Variants in NUP62CL observed in about 807,000 individuals in gnomAD.
NUP62CL encodes the protein nucleoporin-62 C-terminal-like protein.
NUP62CL carries 13 observed loss-of-function variants against 15.3 expected under a neutral mutation model. The observed-to-expected ratio is 0.85, with a 90% CI of 0.55 to 1.35. The LOEUF (loss-of-function observed/expected upper bound fraction) is 1.35. NUP62CL is among the 40% of genes most tolerant of loss of function. The pLI is 0.00. For synonymous variants in NUP62CL, 54 were observed against 49.2 expected, an observed-to-expected ratio of 1.10 and a Z score of -0.41; for missense variants, 123 against 130.6, an observed-to-expected ratio of 0.94 and a Z score of 0.28.
intron 4 of NUP62CL, among the ~76,000 whole-genome samples, chrX:107,161,783 A>T (rs1285581): frequency 0.05 from 5,081 of 101,856 alleles, 375 homozygotes; most frequent in African/African-American, 0.17. Flanking sequence ...AATTTAAAAA[A>T]AATAATAATA....
Position 107,124,096 on chromosome X carries a change from C to A in NUP62CL, c.*279G>T. 1 of 238,562 alleles carries A rather than the reference C, an allele frequency of 4.2e-6. No individual in the cohort carries two copies. The highest frequency in any genetic ancestry group is 7.8e-6 in the Non-Finnish European group (1 of 128,981). 19.7% of individuals were successfully genotyped at this position (238,562 alleles called of 1,213,427 possible). Reference sequence around the variant, plus strand: ...CTAAAAACAAAACTAAGGTATAATTCTCAACAGTACAATACTTAAATGAAA... The same window carrying A: ...CTAAAAACAAAACTAAGGTATAATTATCAACAGTACAATACTTAAATGAAA... On this transcript the variant is annotated 3_prime_UTR_variant, in exon 9 of 9. Coordinates refer to ENST00000372466, the MANE Select transcript of NUP62CL (RefSeq NM_017681.3).
At chrX:107,193,801 T>G (rs985090431) in intron 1 of NUP62CL, among the ~76,000 whole-genome samples, 1 of 110,926 alleles carries the variant, frequency 9.0e-6, no homozygotes. Context: ...AAATTAGAGA[T>G]AAAAGCACAA....
chrX:107,168,167 T>C (rs1276964227), intron 3 of NUP62CL, among the ~76,000 whole-genome samples: 1 of 112,042 alleles, frequency 8.9e-6, no homozygotes, highest in East Asian at 2.8e-4. Flanking sequence ...TGTACATCTA[T>C]ATCTTTGCAT....
chrX:107,169,050 C>T (rs1367679995), intron 3 of NUP62CL, among the ~76,000 whole-genome samples: 1 of 112,244 alleles, frequency 8.9e-6, no homozygotes, highest in Non-Finnish European at 1.9e-5. Context: ...GGGTCTGGCA[C>T]AAAAAGCTCT....
chrX:107,131,629 C>T (rs913320834), intron 8 of NUP62CL: 7 of 516,526 alleles, frequency 1.4e-5, no homozygotes, highest in South Asian at 2.6e-5. Context: ...CGAGGCGCCG[C>T]GGGACCAAGG....
At chrX:107,150,856 C>T (rs750598758) in intron 7 of NUP62CL, 10 of 339,906 alleles carry the variant, frequency 2.9e-5, no homozygotes, top group African/African-American at 2.4e-4. Flanking sequence ...GTAAACACAC[C>T]GGATCAGTAG....
At chrX:107,161,786 T>A (rs192994332) in intron 4 of NUP62CL, among the ~76,000 whole-genome samples, 3,865 of 95,845 alleles carry the variant, frequency 0.04, 238 homozygotes, top group African/African-American at 0.14. Context: ...TTAAAAAAAA[T>A]AATAATAATA....
chrX:107,129,683 C>A (rs1925467712), intron 8 of NUP62CL, among the ~76,000 whole-genome samples: 1 of 111,466 alleles, frequency 9.0e-6, no homozygotes. Context: ...GTTAACAAGC[C>A]CCACCTACAA....
chrX:107,150,860 T>G (rs1486229846), intron 7 of NUP62CL: 2 of 341,992 alleles, frequency 5.8e-6, no homozygotes, highest in Non-Finnish European at 5.9e-6. Flanking sequence ...ACACACCGGA[T>G]CAGTAGTGTC....
chrX:107,170,413 C>CTTTT (rs35571930), intron 3 of NUP62CL, among the ~76,000 whole-genome samples: 2 of 94,641 alleles, frequency 2.1e-5, no homozygotes, highest in Non-Finnish European at 4.2e-5. Context: ...ATTATTTTAA[C>CTTTT]TTTTTTTTTT....
chrX:107,188,080 C>G (rs1291046138), intron 2 of NUP62CL, among the ~76,000 whole-genome samples: 1 of 111,487 alleles, frequency 9.0e-6, no homozygotes, highest in Non-Finnish European at 1.9e-5. Context: ...TTTTATGAAG[C>G]TAGTATTACT....
chrX:107,167,487 G>T (rs1281408324), intron 4 of NUP62CL, among the ~76,000 whole-genome samples, 162 bp downstream of exon 4: 1 of 112,141 alleles, frequency 8.9e-6, no homozygotes, highest in Non-Finnish European at 1.9e-5. Flanking sequence ...GTGTGCTGCT[G>T]TTTATTCAAC....
At chrX:107,134,265 C>T (rs1348651839) in intron 8 of NUP62CL, among the ~76,000 whole-genome samples, 1 of 111,764 alleles carries the variant, frequency 8.9e-6, no homozygotes, top group African/African-American at 3.3e-5. Flanking sequence ...ATTATTCACA[C>T]CCTTTGATAC....
chrX:107,131,746 T>C, intron 8 of NUP62CL: 1 of 902,941 alleles, frequency 1.1e-6, no homozygotes, highest in Non-Finnish European at 1.6e-6. Flanking sequence ...TTCTCTCAAA[T>C]GTGAAAATAA....
At chrX:107,188,422 T>G (rs893753063) in intron 2 of NUP62CL, among the ~76,000 whole-genome samples, 1 of 104,077 alleles carries the variant, frequency 9.6e-6, no homozygotes, top group Non-Finnish European at 2.0e-5. Flanking sequence ...TGGTAAAAAC[T>G]CCCCCCCACC....
chrX:107,184,234 CAACA>C (rs910546241), intron 2 of NUP62CL, among the ~76,000 whole-genome samples: 11 of 106,938 alleles, frequency 1.0e-4, no homozygotes, highest in Non-Finnish European at 1.9e-4. Context: ...ACAAATTCAT[CAACA>C]AACAATTATT....
At chrX:107,132,214 A>G (rs1925534064) in intron 8 of NUP62CL, 5 of 1,101,282 alleles carry the variant, frequency 4.5e-6, no homozygotes, top group East Asian at 3.0e-5. Context: ...TGGTCCTCTT[A>G]TTGATATACC....
At chrX:107,150,769 G>A (rs1016113633) in intron 7 of NUP62CL, 8 of 314,121 alleles carry the variant, frequency 2.5e-5, no homozygotes, top group Non-Finnish European at 4.5e-5. Flanking sequence ...GAAGTGCTGG[G>A]GTTATAGGCA....
chrX:107,124,150 G>T lies in NUP62CL; in HGVS notation c.*225C>A. On this transcript the variant is annotated 3_prime_UTR_variant, in exon 9 of 9. Transcript: ENST00000372466. ...AGGATGCACAATTCATTATGATCAA[G>T]ATGAAATATTAAGTATAAATACTAC... 1 of 285,541 alleles carries T rather than the reference G, an allele frequency of 3.5e-6. No homozygotes were observed. Among genetic ancestry groups the T allele is most frequent in the East Asian group, 1.2e-4 (1 of 8,587 alleles). 23.5% of individuals were successfully genotyped at this position (285,541 alleles called of 1,213,427 possible).
Sources: allele counts gnomAD v4.1 joint callset (sites outside exome capture counted in the v4.1 genomes callset), GRCh38; gene constraint gnomAD v4.1.1; transcripts MANE v1.5; gene names NCBI Gene and HGNC (gene_info 2026-07-23, HGNC 2026-07-21).